PTGR3: variants seen among roughly 807,000 people sequenced by gnomAD.
PTGR3 encodes prostaglandin reductase 3.
the PTGR3 span, chr18:75,208,974 T>C: frequency 1.3e-6 from 2 of 1,594,848 alleles, no homozygotes; most frequent in South Asian, 2.3e-5. Context: ...GCTTGGGGAA[T>C]GGCGGAGCCC....
chr18:75,202,765 T>C, the PTGR3 span, among the ~76,000 whole-genome samples: 3 of 151,990 alleles, frequency 2.0e-5, no homozygotes, highest in African/African-American at 7.2e-5. Context: ...TTAATTGGCC[T>C]CTTAACAAAG....
chr18:75,207,297 A>G, the PTGR3 span, among the ~76,000 whole-genome samples: 1 of 152,214 alleles, frequency 6.6e-6, no homozygotes, highest in Non-Finnish European at 1.5e-5. Flanking sequence ...AGTGTTTGCA[A>G]TCAAGAGTAC....
At chr18:75,196,342 A>G in the PTGR3 span, 4 of 151,862 alleles carry the variant, frequency 2.6e-5, no homozygotes, top group African/African-American at 9.7e-5. Context: ...AAATTTCTGC[A>G]CTTAGGCCAG....
the PTGR3 span, chr18:75,202,280 A>G: frequency 6.2e-7 from 1 of 1,614,128 alleles, no homozygotes; most frequent in Non-Finnish European, 8.5e-7. Flanking sequence ...AGGGAGGCTT[A>G]ACTGAGGGGT....
At chr18:75,204,762 G>C in the PTGR3 span, among the ~76,000 whole-genome samples, 1 of 152,096 alleles carries the variant, frequency 6.6e-6, no homozygotes, top group Admixed American at 6.5e-5. Context: ...GCCTCTCCGG[G>C]TCGGGCGGGG....
At chr18:75,206,012 G>C in the PTGR3 span, among the ~76,000 whole-genome samples, 3 of 152,128 alleles carry the variant, frequency 2.0e-5, no homozygotes, top group Non-Finnish European at 4.4e-5. Context: ...ACCTTCTTAC[G>C]AAAAAAGCTG....
At chr18:75,208,814 G>A in the PTGR3 span, 1 of 1,424,768 alleles carries the variant, frequency 7.0e-7, no homozygotes, top group Non-Finnish European at 9.2e-7. Context: ...CCCGGGGCGA[G>A]AACGGGGGCG....
chr18:75,202,248 A>G, the PTGR3 span: 21 of 1,614,132 alleles, frequency 1.3e-5, no homozygotes, highest in Middle Eastern at 4.9e-4. Flanking sequence ...CACCTCCCCA[A>G]TGCCTTCGAA....
At chr18:75,208,577 G>T in the PTGR3 span, 1 of 1,019,734 alleles carries the variant, frequency 9.8e-7, no homozygotes, top group Non-Finnish European at 1.2e-6. Context: ...AGGGAGGGCT[G>T]GAGGAGGGGA....
the PTGR3 span, among the ~76,000 whole-genome samples, chr18:75,202,809 A>C: frequency 2.6e-5 from 4 of 152,216 alleles, no homozygotes. Context: ...AAATATATTC[A>C]AAGAAGTAGA....
the PTGR3 span, chr18:75,196,448 T>C: frequency 6.6e-6 from 1 of 151,524 alleles, no homozygotes. Context: ...GGCTACATAG[T>C]AGAACCTCAT....
chr18:75,205,146 C>G, the PTGR3 span: 7 of 985,350 alleles, frequency 7.1e-6, no homozygotes, highest in Non-Finnish European at 8.4e-6. Flanking sequence ...TTCGCCCCCG[C>G]GGCTGGTGAG....
At chr18:75,196,971 A>G in the PTGR3 span, 1 of 152,208 alleles carries the variant, frequency 6.6e-6, no homozygotes, top group African/African-American at 2.4e-5. Flanking sequence ...TCCTGTGAAT[A>G]TCAACTACTA....
At chr18:75,207,343 G>T in the PTGR3 span, among the ~76,000 whole-genome samples, 2 of 152,260 alleles carry the variant, frequency 1.3e-5, no homozygotes, top group Admixed American at 6.5e-5. Flanking sequence ...AAAACCCTGT[G>T]TGGAACTTCT....
At chr18:75,198,348 A>C in the PTGR3 span, 1 of 152,224 alleles carries the variant, frequency 6.6e-6, no homozygotes, top group Non-Finnish European at 1.5e-5. Flanking sequence ...AATAAGAAGC[A>C]GCTACTTGTC....
chr18:75,209,034 C>G, the PTGR3 span: 1 of 1,565,704 alleles, frequency 6.4e-7, no homozygotes, highest in South Asian at 1.2e-5. This position sits in a 1 kb window ranked among gnomAD's most constrained non-coding sequence, Gnocchi z 4.7. Flanking sequence ...ATGGCCCGGG[C>G]CCCGGTGGGC....
At chr18:75,196,526 G>A in the PTGR3 span, 7 of 151,236 alleles carry the variant, frequency 4.6e-5, no homozygotes, top group African/African-American at 1.7e-4. Context: ...CAGCTACTCA[G>A]GAGACTGAGG....
chr18:75,198,671 C>G, the PTGR3 span: 1 of 152,082 alleles, frequency 6.6e-6, no homozygotes, highest in Admixed American at 6.6e-5. Context: ...GGTAACAGAT[C>G]ACTGGGACTC....
chr18:75,208,508 G>A, the PTGR3 span: 52 of 1,052,790 alleles, frequency 4.9e-5, no homozygotes, highest in African/African-American at 1.0e-4. Flanking sequence ...CGGGCGGCCC[G>A]GCGGGGAGCC....
Sources: allele counts gnomAD v4.1 joint callset (sites outside exome capture counted in the v4.1 genomes callset), GRCh38; gene constraint gnomAD v4.1.1; non-coding constraint Gnocchi (gnomAD v3.1); transcripts MANE v1.5; gene names NCBI Gene and HGNC (gene_info 2026-07-23, HGNC 2026-07-21).